NAE1: variants seen among roughly 807,000 people sequenced by gnomAD.
NAE1 encodes NEDD8-activating enzyme E1 regulatory subunit.
Under a neutral mutation model 88.0 loss-of-function variants are expected in NAE1, and 59 were observed. The ratio of observed to expected loss-of-function variants is 0.67; its 90% CI spans 0.54 to 0.83. The LOEUF (loss-of-function observed/expected upper bound fraction) is 0.83. Among genes scored for constraint, NAE1 ranks in the 40% least tolerant of loss-of-function variants. The pLI, the probability that NAE1 is intolerant of heterozygous loss-of-function variation, is 0.00. For synonymous variants in NAE1, 186 were observed against 208.9 expected (o/e 0.89, Z 0.95); for missense variants, 554 against 632.8 (o/e 0.88, Z 1.34).
intron 8 of NAE1, 34 bp from the exon 9 acceptor site, chr16:66,817,521 G>C (rs1487919729): frequency 7.1e-7 from 1 of 1,412,612 alleles, no homozygotes. Context: ...GAAAATATCA[G>C]TATTATGAAT....
At chr16:66,822,363 G>A (rs749680232) in intron 6 of NAE1, among the ~76,000 whole-genome samples, 5 of 152,146 alleles carry the variant, frequency 3.3e-5, no homozygotes, top group Non-Finnish European at 7.4e-5. Context: ...TTGGGGCCAG[G>A]AGTTTGAGAT....
At chr16:66,805,702 G>A in intron 19 of NAE1, 75 bp downstream of exon 19, 1 of 1,200,278 alleles carries the variant, frequency 8.3e-7, no homozygotes, top group Non-Finnish European at 1.1e-6. Flanking sequence ...AAAATAGCTA[G>A]ACGACAAAAC....
At chr16:66,824,736 T>A (rs1567496794) in intron 4 of NAE1, 119 bp downstream of exon 4, 18 of 888,238 alleles carry the variant, frequency 2.0e-5, no homozygotes, top group Non-Finnish European at 3.0e-5. Flanking sequence ...ATTACAAAAA[T>A]TAGTTAACTT....
In NAE1 at chr16:66,829,073, T is replaced by C. The variant is rs915714933; in HGVS notation, c.53+1774A>G. 3.3e-5 allele frequency among the ~76,000 whole-genome samples: 5 copies of C among 152,166 alleles called. No individual in the cohort carries two copies. The East Asian group carries it at 5.8e-4, about 18-fold the overall frequency. On this transcript the variant is annotated intron_variant, in intron 1 of 19. Coordinates refer to ENST00000290810, the MANE Select transcript of NAE1 (RefSeq NM_003905.4). Reference sequence around the variant, plus strand: ...CCAAATGAATCAGTCCTCTCTACTATCTTGCTGGCCCAACTAACGTGAAGT... The same window carrying C: ...CCAAATGAATCAGTCCTCTCTACTACCTTGCTGGCCCAACTAACGTGAAGT...
chr16:66,820,702 C>A (rs1245814100), intron 7 of NAE1, among the ~76,000 whole-genome samples: 1 of 152,092 alleles, frequency 6.6e-6, no homozygotes, highest in Non-Finnish European at 1.5e-5. Flanking sequence ...GAGATTGAGA[C>A]CATCCTGGCT....
intron 8 of NAE1, 95 bp from the exon 9 acceptor site, chr16:66,817,582 C>T: frequency 2.4e-6 from 2 of 843,508 alleles, no homozygotes; most frequent in East Asian, 2.7e-5. Flanking sequence ...TTTATGATCT[C>T]CTAATATATG....
chr16:66,803,199 T>A lies in NAE1; in HGVS notation c.1496-81A>T, dbSNP rs1195187774. ...ATACTCAATTCTGTAAAGAAACTTTTCCTTTTCAAAAGCAAAGGTGTTTTA... is the reference window on the plus strand; with the variant it reads ...ATACTCAATTCTGTAAAGAAACTTTACCTTTTCAAAAGCAAAGGTGTTTTA... On this transcript the variant is annotated intron_variant, in intron 19 of 19. Coordinates refer to ENST00000290810, the MANE Select transcript of NAE1 (RefSeq NM_003905.4). 1.2e-5 allele frequency: 12 copies of A among 1,003,318 alleles called. No homozygotes were observed. In the East Asian group the frequency reaches 2.6e-4, roughly 21 times the overall value. The allele number at this position is 1,003,318 out of a possible 1,614,324, so 62.2% of individuals were successfully genotyped here. A position where few individuals can be genotyped will look rare whatever the true frequency, so the allele number is the denominator to read the frequency against.
At chr16:66,827,702 T>C (rs1037043218) in intron 1 of NAE1, 1 of 374,166 alleles carries the variant, frequency 2.7e-6, no homozygotes, top group Non-Finnish European at 4.8e-6. Flanking sequence ...AAGCCTCACA[T>C]CAACTTCTAC....
At chr16:66,828,627 A>G (rs1960566387) in intron 1 of NAE1, among the ~76,000 whole-genome samples, 1 of 151,404 alleles carries the variant, frequency 6.6e-6, no homozygotes, top group Non-Finnish European at 1.5e-5. Context: ...TGTGCCAATA[A>G]TCATACCTGC....
intron 7 of NAE1, among the ~76,000 whole-genome samples, chr16:66,821,107 G>A (rs917687142): frequency 1.3e-5 from 2 of 152,108 alleles, no homozygotes; most frequent in Non-Finnish European, 2.9e-5. Flanking sequence ...GAAAGGTGGT[G>A]TAACTTCATG....
chr16:66,815,449 G>A (rs1311859923), intron 11 of NAE1, among the ~76,000 whole-genome samples: 3 of 152,060 alleles, frequency 2.0e-5, no homozygotes, highest in Non-Finnish European at 4.4e-5. Context: ...AACCTCCCAG[G>A]CTCAAGCGAT....
chr16:66,808,952 T>TA (rs1442989809), intron 16 of NAE1, 37 bp downstream of exon 16: 1 of 1,380,406 alleles, frequency 7.2e-7, no homozygotes, highest in Non-Finnish European at 1.0e-6. Context: ...TTAAATTAAT[T>TA]AAAATTAACC....
rs1273643178 is a variant in NAE1 at position 66,817,407 on chromosome 16, T to C, written c.684+18A>G. On this transcript the variant is annotated intron_variant, in intron 9 of 19. Coordinates refer to ENST00000290810, the MANE Select transcript of NAE1 (RefSeq NM_003905.4). ...AAAATACAGTTGCATATGAAATTTT[T>C]TTTAAAAAAGGACATACTTCACTAT... is the stretch of plus-strand genomic sequence containing the variant. The C allele has an allele frequency of 3.8e-6, 6 of 1,576,964 alleles. No individual in the cohort carries two copies. Among genetic ancestry groups the C allele is most frequent in the Non-Finnish European group, 5.2e-6 (6 of 1,147,952 alleles).
At chr16:66,828,206 C>T (rs941518097) in intron 1 of NAE1, 1 of 701,386 alleles carries the variant, frequency 1.4e-6, no homozygotes, top group Non-Finnish European at 2.3e-6. Context: ...ACTGGTGCAT[C>T]TTGGCTGGGC....
At chr16:66,805,185 AAT>A (rs1312868303) in intron 19 of NAE1, among the ~76,000 whole-genome samples, 10 of 152,318 alleles carry the variant, frequency 6.6e-5, no homozygotes, top group Non-Finnish European at 1.5e-4. Context: ...GAAAGCAAGT[AAT>A]ATGATAAAAC....
chr16:66,829,798 G>A (rs963566670), intron 1 of NAE1, among the ~76,000 whole-genome samples: 1 of 152,252 alleles, frequency 6.6e-6, no homozygotes. Flanking sequence ...TAAGGTAGCT[G>A]CTAGCCACAT....
chr16:66,808,563 G>T lies in NAE1; in HGVS notation c.1288C>A (p.Arg430=). ...TGTTTATGAAATCTATCAACAGCCC[G>T]TAACATTAAGTACAACACTATTTCA... ...DNEIVLYLML[R]AVDRFHKQQG... is the part of the protein sequence containing the mutation. The change falls in exon 17 of 20, where the codon CGG becomes AGG. Residue 430 remains arginine (R), a synonymous_variant. Transcript: ENST00000290810. The T allele has an allele frequency of 6.2e-7, 1 of 1,606,048 alleles. No individual in the cohort carries two copies. The highest frequency in any genetic ancestry group is 8.5e-7 in the Non-Finnish European group (1 of 1,175,570).
intron 17 of NAE1, among the ~76,000 whole-genome samples, chr16:66,806,769 TTATATC>T (rs1000681158): frequency 3.3e-4 from 50 of 152,180 alleles, no homozygotes; most frequent in Non-Finnish European, 3.2e-4. Flanking sequence ...TCTAAGGACC[TTATATC>T]TATATTAATT....
intron 11 of NAE1, among the ~76,000 whole-genome samples, chr16:66,814,317 C>T (rs1959944868): frequency 6.6e-6 from 1 of 152,092 alleles, no homozygotes; most frequent in African/African-American, 2.4e-5. Context: ...TAAAGCTGAG[C>T]ACAATGGCTC....
Sources: gnomAD v4.1 joint callset for allele counts (sites outside exome capture counted in the v4.1 genomes callset) on GRCh38, gnomAD v4.1.1 for gene constraint, MANE v1.5 for transcripts, NCBI Gene and HGNC (gene_info 2026-07-23, HGNC 2026-07-21) for gene names.